Variants in COMMD10 observed in about 807,000 individuals in gnomAD.
COMMD10 encodes the protein COMM domain containing 10, also known as COMM domain-containing protein 10.
Under a neutral mutation model 28.9 loss-of-function variants are expected in COMMD10, and 33 were observed. The ratio of observed to expected loss-of-function variants is 1.14; its 90% CI spans 0.87 to 1.53. COMMD10 has a LOEUF of 1.53. Among genes scored for constraint, COMMD10 ranks in the 40% most tolerant of loss-of-function variants. COMMD10 has a pLI of 0.00. For synonymous variants in COMMD10, 110 were observed against 81.7 expected, an observed-to-expected ratio of 1.35 and a Z score of -1.87; for missense variants, 310 against 233.4, an observed-to-expected ratio of 1.33 and a Z score of -2.14.
intron 4 of COMMD10, among the ~76,000 whole-genome samples, chr5:116,126,167 A>G (rs1314955366): frequency 2.6e-5 from 4 of 152,322 alleles, no homozygotes; most frequent in Admixed American, 1.3e-4. Context: ...GTGAACTCCC[A>G]TTCACAATTG....
intron 5 of COMMD10, among the ~76,000 whole-genome samples, chr5:116,271,239 G>C (rs1163128918): frequency 6.9e-6 from 1 of 145,944 alleles, no homozygotes; most frequent in East Asian, 2.0e-4. Context: ...TCACATGATA[G>C]TAAAAACAAT....
chr5:116,246,140 A>G (rs1364112771), intron 5 of COMMD10, among the ~76,000 whole-genome samples: 1 of 152,178 alleles, frequency 6.6e-6, no homozygotes, highest in African/African-American at 2.4e-5. Context: ...GCAGAGTCTC[A>G]GAATACAACA....
chr5:116,272,168 AT>A (rs1197024052), intron 5 of COMMD10, among the ~76,000 whole-genome samples: 3 of 151,824 alleles, frequency 2.0e-5, no homozygotes, highest in African/African-American at 7.3e-5. Flanking sequence ...TCCATCCCTC[AT>A]TTCTTTTGGA....
chr5:116,119,381 G>A (rs1751347414), intron 4 of COMMD10, among the ~76,000 whole-genome samples: 2 of 152,176 alleles, frequency 1.3e-5, no homozygotes, highest in African/African-American at 4.8e-5. Flanking sequence ...AAAGTACAGA[G>A]TGCCAAAATG....
At chr5:116,186,043 T>G (rs1004216053) in intron 5 of COMMD10, among the ~76,000 whole-genome samples, 1 of 152,164 alleles carries the variant, frequency 6.6e-6, no homozygotes, top group Non-Finnish European at 1.5e-5. Flanking sequence ...TCGACCCCTT[T>G]TAATCATCTG....
intron 5 of COMMD10, among the ~76,000 whole-genome samples, chr5:116,286,729 T>G (rs1751229676): frequency 6.6e-6 from 1 of 151,848 alleles, no homozygotes; most frequent in African/African-American, 2.4e-5. Context: ...AAAGATACTT[T>G]GTATGATTTC....
intron 5 of COMMD10, among the ~76,000 whole-genome samples, chr5:116,136,133 C>T (rs534467585): frequency 6.6e-6 from 1 of 152,236 alleles, no homozygotes; most frequent in East Asian, 1.9e-4. Context: ...AATTTATTTC[C>T]TGATGAAGTT....
chr5:116,137,973 C>T (rs1291832619), intron 5 of COMMD10, among the ~76,000 whole-genome samples: 1 of 151,698 alleles, frequency 6.6e-6, no homozygotes, highest in African/African-American at 2.4e-5. Flanking sequence ...AAGTTTTTTT[C>T]GTTAGGGGGC....
At chr5:116,135,312 C>T (rs975260255) in intron 5 of COMMD10, among the ~76,000 whole-genome samples, 4 of 152,124 alleles carry the variant, frequency 2.6e-5, no homozygotes, top group South Asian at 2.1e-4. Context: ...TTAAAACTTT[C>T]GCTATTCATT....
At chr5:116,213,187 G>C (rs1161440190) in intron 5 of COMMD10, among the ~76,000 whole-genome samples, 1 of 151,988 alleles carries the variant, frequency 6.6e-6, no homozygotes, top group Admixed American at 6.6e-5. Flanking sequence ...ATTATGAGAA[G>C]TTCAGAGACC....
At chr5:116,193,599 G>T (rs1748430238) in intron 5 of COMMD10, among the ~76,000 whole-genome samples, 1 of 152,082 alleles carries the variant, frequency 6.6e-6, no homozygotes, top group South Asian at 2.1e-4. Flanking sequence ...AATGGTAAAA[G>T]GCCTTGTCCA....
intron 5 of COMMD10, among the ~76,000 whole-genome samples, chr5:116,275,109 C>G (rs984906236): frequency 2.0e-5 from 3 of 151,836 alleles, no homozygotes; most frequent in African/African-American, 4.9e-5. Flanking sequence ...CCATCTTTCA[C>G]TTGCCCAAGG....
At chr5:116,234,657 G>T (rs183562183) in intron 5 of COMMD10, among the ~76,000 whole-genome samples, 1 of 152,166 alleles carries the variant, frequency 6.6e-6, no homozygotes, top group Non-Finnish European at 1.5e-5. Context: ...AAGGTGATTT[G>T]GCTGCAACTG....
intron 5 of COMMD10, among the ~76,000 whole-genome samples, chr5:116,213,816 A>C (rs1394698207): frequency 6.6e-6 from 1 of 152,090 alleles, no homozygotes. Context: ...ATACCATGTT[A>C]AGGTGCTTGA....
intron 5 of COMMD10, among the ~76,000 whole-genome samples, chr5:116,160,896 G>A (rs570287122): frequency 8.1e-4 from 124 of 152,228 alleles, no homozygotes; most frequent in African/African-American, 2.8e-3. Flanking sequence ...TGGTGAACCT[G>A]TGCTATTCTG....
chr5:116,107,153 T>C (rs570316889), intron 4 of COMMD10, among the ~76,000 whole-genome samples: 2 of 152,272 alleles, frequency 1.3e-5, no homozygotes, highest in East Asian at 3.9e-4. Flanking sequence ...CGATTATGTG[T>C]CTCGGGGTTG....
chr5:116,186,640 C>A (rs983851047), intron 5 of COMMD10, among the ~76,000 whole-genome samples: 1 of 152,110 alleles, frequency 6.6e-6, no homozygotes, highest in African/African-American at 2.4e-5. Flanking sequence ...GTCATTCTCC[C>A]TGTGCCTTTT....
intron 5 of COMMD10, among the ~76,000 whole-genome samples, chr5:116,202,750 A>C (rs543527994): frequency 3.1e-4 from 47 of 150,342 alleles, no homozygotes; most frequent in African/African-American, 1.1e-3. Flanking sequence ...TTTTTCTTGT[A>C]AATTTGTTTG....
chr5:116,163,454 G>T (rs1031064140), intron 5 of COMMD10, among the ~76,000 whole-genome samples: 1 of 148,750 alleles, frequency 6.7e-6, no homozygotes, highest in African/African-American at 2.5e-5. Context: ...GCCAGGCTTG[G>T]TGGCGGATGC....
Sources: gnomAD v4.1 joint callset for allele counts (sites outside exome capture counted in the v4.1 genomes callset) on GRCh38, gnomAD v4.1.1 for gene constraint, MANE v1.5 for transcripts, NCBI Gene and HGNC (gene_info 2026-07-23, HGNC 2026-07-21) for gene names.